MID1: variants seen among roughly 807,000 people sequenced by gnomAD.
MID1 encodes E3 ubiquitin-protein ligase Midline-1.
MID1 carries 7 observed loss-of-function variants against 40.4 expected under a neutral mutation model. The observed-to-expected ratio is 0.17, with a 90% CI of 0.10 to 0.33. MID1 has a LOEUF of 0.33. MID1 is among the 10% of genes least tolerant of loss of function. The pLI, the probability that MID1 is intolerant of heterozygous loss-of-function variation, is 1.00. For missense variants in MID1, 367 were observed against 558.5 expected (o/e 0.66, Z 3.46); for synonymous variants, 229 against 221.2 (o/e 1.04, Z -0.31).
At chrX:10,579,243 A>C (rs1382182682) in intron 1 of MID1, among the ~76,000 whole-genome samples, 1 of 112,165 alleles carries the variant, frequency 8.9e-6, no homozygotes, top group Non-Finnish European at 1.9e-5. Flanking sequence ...TATTCTCTGA[A>C]AGACCAGTCA....
At chrX:10,664,228 C>T (rs1426443446) in intron 1 of MID1, among the ~76,000 whole-genome samples, 1 of 110,393 alleles carries the variant, frequency 9.1e-6, no homozygotes. Flanking sequence ...ATGGTGTGAT[C>T]TCGGCTCACC....
Position 10,459,648 on chromosome X carries a change from T to A in MID1, c.1445A>T (p.Asn482Ile). The change falls in exon 8 of 10, where the codon AAC (asparagine) becomes ATC (isoleucine). Residue 482 changes from asparagine to isoleucine, a missense_variant and splice_region_variant. Physicochemically the swap from Asn to Ile is moderately radical, Grantham distance 149. Transcript: ENST00000317552. ...TCTGTTGAGTTCACAGCACTTACTG[T>A]TTGTCTTCAACTTCCCAGGCTCACT... is the stretch of plus-strand genomic sequence containing the variant. ...RSSEPGKLKT[N>I]SQPFKLDPKS... 1.7e-6 allele frequency: 2 copies of A among 1,210,665 alleles called. No homozygotes were observed. Among genetic ancestry groups the A allele is most frequent in the Non-Finnish European group, 2.2e-6 (2 of 895,152 alleles).
intron 1 of MID1, among the ~76,000 whole-genome samples, chrX:10,600,046 C>T (rs1234304496): frequency 8.9e-6 from 1 of 112,136 alleles, no homozygotes; most frequent in African/African-American, 3.2e-5. Context: ...AAACCCTAGG[C>T]CCCATGAAGG....
Position 10,506,488 on chromosome X carries a change from A to G in MID1, c.757-10797T>C, listed in dbSNP as rs1315000261. 2.1e-5 allele frequency: 11 copies of G among 528,116 alleles called. No individual in the cohort carries two copies. In the Admixed American group the frequency reaches 2.9e-4, roughly 14 times the overall value. 43.5% of individuals were successfully genotyped at this position (528,116 alleles called of 1,213,427 possible). On this transcript the variant is annotated intron_variant, in intron 3 of 9. Transcript: ENST00000317552. ...GGAAACAGTACAGAACATTCCAGCTAATAGGGAAGAAGCAGAGTATTTATG... is the reference window on the plus strand; with the variant it reads ...GGAAACAGTACAGAACATTCCAGCTGATAGGGAAGAAGCAGAGTATTTATG...
intron 1 of MID1, among the ~76,000 whole-genome samples, chrX:10,803,647 G>A (rs1199911167): frequency 9.0e-6 from 1 of 111,458 alleles, no homozygotes; most frequent in African/African-American, 3.3e-5. Context: ...CACCATGCCC[G>A]GCCAGCTGTT....
chrX:10,527,915 A>G (rs999955285), intron 2 of MID1, among the ~76,000 whole-genome samples: 2 of 111,356 alleles, frequency 1.8e-5, no homozygotes, highest in East Asian at 2.8e-4. Context: ...ATCACCTCCC[A>G]ATTCAAATTC....
At chrX:10,653,290 C>T (rs1569138779) in intron 1 of MID1, among the ~76,000 whole-genome samples, 1 of 112,595 alleles carries the variant, frequency 8.9e-6, no homozygotes, top group Admixed American at 9.4e-5. Flanking sequence ...TGTTACCCTT[C>T]AAATGTGTAG....
At chrX:10,717,009 C>T (rs1293089272) in intron 1 of MID1, among the ~76,000 whole-genome samples, 1 of 111,417 alleles carries the variant, frequency 9.0e-6, no homozygotes, top group African/African-American at 3.3e-5. Flanking sequence ...GATTTTGTCA[C>T]CACCAGGCCT....
intron 1 of MID1, among the ~76,000 whole-genome samples, chrX:10,567,849 T>C (rs996537463): frequency 8.9e-6 from 1 of 111,946 alleles, no homozygotes; most frequent in African/African-American, 3.3e-5. Flanking sequence ...TTTTTTCAAT[T>C]TTGTTTTTTA....
At position 10,446,715 on chromosome X, in the gene MID1, ATTG is replaced by A. The variant is rs972196005; in HGVS notation, c.*2650_*2652del. On this transcript the variant is annotated 3_prime_UTR_variant, in exon 10 of 10. Coordinates refer to ENST00000317552, the MANE Select transcript of MID1 (RefSeq NM_000381.4). ...GAAAACGCAGGCCCCTTGTTCAAAA[ATTG>A]TTAAGAATTTCAAGACATCAACAGC... 8.9e-6 allele frequency: 1 copy of A among 112,224 alleles called. No individual in the cohort carries two copies. The highest frequency in any genetic ancestry group is 3.2e-5 in the African/African-American group (1 of 30,852). 9.2% of individuals were successfully genotyped at this position (112,224 alleles called of 1,213,427 possible).
intron 7 of MID1, among the ~76,000 whole-genome samples, chrX:10,462,467 AT>A (rs1929104401): frequency 9.0e-6 from 1 of 111,527 alleles, no homozygotes; most frequent in African/African-American, 3.3e-5. Flanking sequence ...ACCAGGCTTT[AT>A]TCATCTCTTT....
At chrX:10,650,556 T>C (rs1396778203) in intron 1 of MID1, among the ~76,000 whole-genome samples, 1 of 111,891 alleles carries the variant, frequency 8.9e-6, no homozygotes, top group African/African-American at 3.3e-5. Flanking sequence ...CACAAACCAT[T>C]GTCTGCTCTG....
intron 1 of MID1, among the ~76,000 whole-genome samples, chrX:10,571,079 G>T (rs1934708716): frequency 8.9e-6 from 1 of 112,094 alleles, no homozygotes; most frequent in Admixed American, 9.4e-5. Context: ...AGTGCTTAGG[G>T]GCAACTCATG....
At chrX:10,822,321 A>G (rs752112454) in intron 1 of MID1, among the ~76,000 whole-genome samples, 1 of 111,728 alleles carries the variant, frequency 9.0e-6, no homozygotes, top group Admixed American at 9.5e-5. Flanking sequence ...CCTTCCTTAT[A>G]CCTTATACAA....
At chrX:10,671,110 T>C (rs2042984755) in intron 1 of MID1, among the ~76,000 whole-genome samples, 1 of 112,170 alleles carries the variant, frequency 8.9e-6, no homozygotes, top group Non-Finnish European at 1.9e-5. Context: ...TCTACAGGAA[T>C]GTGCCTCAGA....
At chrX:10,687,148 ACCT>A (rs1045300343) in intron 1 of MID1, among the ~76,000 whole-genome samples, 2 of 111,420 alleles carry the variant, frequency 1.8e-5, no homozygotes, top group Non-Finnish European at 3.8e-5. Context: ...CTCTGCCCTG[ACCT>A]CCTTCAGAGG....
intron 1 of MID1, among the ~76,000 whole-genome samples, chrX:10,755,741 T>C (rs1479295380): frequency 1.8e-5 from 2 of 112,014 alleles, no homozygotes; most frequent in South Asian, 7.5e-4. Context: ...TGAGCACATC[T>C]CTTTATAGCC....
intron 3 of MID1, among the ~76,000 whole-genome samples, chrX:10,519,972 T>C (rs1159993875): frequency 8.9e-6 from 1 of 112,372 alleles, no homozygotes; most frequent in South Asian, 3.7e-4. Flanking sequence ...ATAGTAGACA[T>C]GCTTTTACAC....
At chrX:10,522,294 C>T (rs183069152) in intron 3 of MID1, among the ~76,000 whole-genome samples, 6 of 111,807 alleles carry the variant, frequency 5.4e-5, no homozygotes, top group Non-Finnish European at 1.1e-4. Flanking sequence ...TAGCTGAAAG[C>T]CAAGGAACTC....
Sources: allele counts gnomAD v4.1 joint callset (sites outside exome capture counted in the v4.1 genomes callset), GRCh38; gene constraint gnomAD v4.1.1; transcripts MANE v1.5; gene names NCBI Gene and HGNC (gene_info 2026-07-23, HGNC 2026-07-21).